FBXO34: variants seen among roughly 807,000 people sequenced by gnomAD.
The protein encoded by FBXO34 is F-box only protein 34.
Under a neutral mutation model 24.5 loss-of-function variants are expected in FBXO34, and 12 were observed. The ratio of observed to expected loss-of-function variants is 0.49; its 90% CI spans 0.31 to 0.79. FBXO34 has a LOEUF of 0.79. Ranked by LOEUF, FBXO34 falls within the 30% of genes least tolerant of loss-of-function variation. The pLI, the probability that FBXO34 is intolerant of heterozygous loss-of-function variation, is 0.04. For synonymous variants in FBXO34, 320 were observed against 311.9 expected (o/e 1.03, Z -0.27); for missense variants, 823 against 857.7 (o/e 0.96, Z 0.51).
intron 1 of FBXO34, among the ~76,000 whole-genome samples, chr14:55,322,309 CAAAAA>C (rs3084455): frequency 1.6e-5 from 2 of 122,046 alleles, no homozygotes; most frequent in Admixed American, 8.8e-5. Flanking sequence ...GACTCTGTCT[CAAAAA>C]AAAAAAAAAA....
chr14:55,305,771 A>G (rs1882523123), intron 1 of FBXO34, among the ~76,000 whole-genome samples: 1 of 152,194 alleles, frequency 6.6e-6, no homozygotes, highest in South Asian at 2.1e-4. Context: ...GAATTAGCTC[A>G]ATAGCAGGAT....
chr14:55,307,652 G>C (rs1310732172), intron 1 of FBXO34, among the ~76,000 whole-genome samples: 1 of 152,134 alleles, frequency 6.6e-6, no homozygotes, highest in African/African-American at 2.4e-5. Flanking sequence ...CATGAGCAAA[G>C]GTTTTTTTGT....
At chr14:55,291,475 C>G (rs929961191) in intron 1 of FBXO34, among the ~76,000 whole-genome samples, 1 of 152,164 alleles carries the variant, frequency 6.6e-6, no homozygotes, top group Non-Finnish European at 1.5e-5. Flanking sequence ...AACCCTTCTA[C>G]TCACAAACAT....
chr14:55,411,543 G>T, the FBXO34 span: 1 of 1,509,028 alleles, frequency 6.6e-7, no homozygotes, highest in Non-Finnish European at 8.9e-7. Context: ...CCAGCCTTCG[G>T]CTGCCTGGCT....
At chr14:55,315,126 T>C (rs1443955542) in intron 1 of FBXO34, among the ~76,000 whole-genome samples, 1 of 152,268 alleles carries the variant, frequency 6.6e-6, no homozygotes, top group Non-Finnish European at 1.5e-5. Context: ...TGTTGACACA[T>C]TAAGACTGAA....
chr14:55,291,929 G>A (rs973174207), intron 1 of FBXO34, among the ~76,000 whole-genome samples: 10 of 152,016 alleles, frequency 6.6e-5, no homozygotes, highest in Non-Finnish European at 1.5e-4. Flanking sequence ...TTGCACCACC[G>A]CTCTCCAGCC....
At chr14:55,362,619 AAC>A (rs775340358), downstream of FBXO34, among the ~76,000 whole-genome samples, 103 of 152,300 alleles carry the variant, frequency 6.8e-4, no homozygotes, top group Non-Finnish European at 8.7e-4. Context: ...TGAACCAGAA[AAC>A]AGTTATTTCC....
rs1291540825 is a variant in FBXO34, at chr14:55,337,855, G to A, written c.-10-12526G>A. Among the ~76,000 whole-genome samples, 4 of 152,032 alleles carry A rather than the reference G, an allele frequency of 2.6e-5. No homozygotes were observed. The East Asian group carries it at 7.7e-4, about 29-fold the overall frequency. On this transcript the variant is annotated intron_variant, in intron 1 of 1. Coordinates refer to ENST00000313833, the MANE Select transcript of FBXO34 (RefSeq NM_017943.4). ...TACCACTTGAAGATAAGCTTGCTGA[G>A]GAGTACCCTGCCATGGGCCCTTCAG...
chr14:55,392,563 C>T, the FBXO34 span, among the ~76,000 whole-genome samples: 8,795 of 150,412 alleles, frequency 0.058, 320 homozygotes, highest in South Asian at 0.09. Flanking sequence ...GTGGGAGAAT[C>T]GCTTGAGCCC....
At chr14:55,415,343 A>G in the FBXO34 span, among the ~76,000 whole-genome samples, 8 of 152,364 alleles carry the variant, frequency 5.3e-5, no homozygotes, top group Non-Finnish European at 1.2e-4. Flanking sequence ...CTTAAGAACT[A>G]TAAAGTACAT....
At chr14:55,393,109 C>G in the FBXO34 span, among the ~76,000 whole-genome samples, 1 of 152,132 alleles carries the variant, frequency 6.6e-6, no homozygotes, top group Non-Finnish European at 1.5e-5. Flanking sequence ...TGACTGGGCG[C>G]GGTGGCTCAC....
At chr14:55,427,330 CAT>C in the FBXO34 span, among the ~76,000 whole-genome samples, 1 of 152,002 alleles carries the variant, frequency 6.6e-6, no homozygotes. Context: ...GAAAAATAAA[CAT>C]GTCAAAAGAA....
intron 1 of FBXO34, chr14:55,298,997 G>A: frequency 6.2e-7 from 1 of 1,608,760 alleles, no homozygotes; most frequent in Non-Finnish European, 8.5e-7. Flanking sequence ...AAGTTGATGA[G>A]TTAATGCAGG....
At chr14:55,334,534 G>A (rs1883709095) in intron 1 of FBXO34, among the ~76,000 whole-genome samples, 1 of 151,796 alleles carries the variant, frequency 6.6e-6, no homozygotes, top group Non-Finnish European at 1.5e-5. Flanking sequence ...ATATTGATGG[G>A]GTGGGGGTGG....
chr14:55,438,187 G>A, the FBXO34 span, among the ~76,000 whole-genome samples: 1 of 152,256 alleles, frequency 6.6e-6, no homozygotes, highest in South Asian at 2.1e-4. Context: ...GGAATGCACC[G>A]TGTTGCATCT....
At chr14:55,411,099 T>G in the FBXO34 span, among the ~76,000 whole-genome samples, 4 of 152,174 alleles carry the variant, frequency 2.6e-5, no homozygotes, top group African/African-American at 9.7e-5. Flanking sequence ...CAAGCCTCAA[T>G]TCACACATTA....
chr14:55,435,892 C>T, the FBXO34 span: 1 of 1,578,682 alleles, frequency 6.3e-7, no homozygotes, highest in African/African-American at 1.4e-5. Context: ...CTATTTTCTT[C>T]AGATCCAACT....
At chr14:55,272,987 G>C (rs1339394460) in intron 1 of FBXO34, among the ~76,000 whole-genome samples, 1 of 152,208 alleles carries the variant, frequency 6.6e-6, no homozygotes, top group African/African-American at 2.4e-5. Flanking sequence ...TAGTCACTTT[G>C]TCATAGTGAC....
chr14:55,398,418 CCTT>C, the FBXO34 span, among the ~76,000 whole-genome samples: 14 of 152,206 alleles, frequency 9.2e-5, no homozygotes, highest in Middle Eastern at 3.4e-3. Flanking sequence ...TTTAAAATCT[CCTT>C]CTATGCACTG....
Sources: gnomAD v4.1 joint callset for allele counts (sites outside exome capture counted in the v4.1 genomes callset) on GRCh38, gnomAD v4.1.1 for gene constraint, MANE v1.5 for transcripts, NCBI Gene and HGNC (gene_info 2026-07-23, HGNC 2026-07-21) for gene names.